Variants in RAI14 observed in about 807,000 individuals in gnomAD.
The protein encoded by RAI14 is ankycorbin.
RAI14 carries 45 observed loss-of-function variants against 115.4 expected under a neutral mutation model. The ratio of observed to expected loss-of-function variants is 0.39; its 90% confidence interval spans 0.31 to 0.50. RAI14 has a LOEUF of 0.50. Among genes scored for constraint, RAI14 ranks in the 20% least tolerant of loss-of-function variants. RAI14 has a pLI of 0.85. For synonymous variants in RAI14, 371 were observed against 415.4 expected (o/e 0.89, Z 1.30); for missense variants, 939 against 1,131.2 (o/e 0.83, Z 2.44).
chr5:34,756,616 T>A (rs1305903692), intron 2 of RAI14, among the ~76,000 whole-genome samples: 1 of 152,204 alleles, frequency 6.6e-6, no homozygotes, highest in African/African-American at 2.4e-5. Flanking sequence ...CACCTCCCAA[T>A]GACTCTTCAG....
chr5:34,759,356 C>T (rs1056262050), intron 3 of RAI14, among the ~76,000 whole-genome samples: 2 of 152,146 alleles, frequency 1.3e-5, no homozygotes, highest in Non-Finnish European at 2.9e-5. Context: ...AGGTCACAGA[C>T]CGGACTGGTA....
At chr5:34,749,151 A>G (rs1459575870) in intron 2 of RAI14, among the ~76,000 whole-genome samples, 4 of 152,196 alleles carry the variant, frequency 2.6e-5, no homozygotes. Context: ...AGACTTGCTG[A>G]TTATATTGGC....
At chr5:34,657,300 G>GTCC (rs4024086) in intron 1 of RAI14, 73,574 of 151,428 alleles carry the variant, frequency 0.49, 18,566 homozygotes, top group South Asian at 0.64. Flanking sequence ...GCAGGTTGGT[G>GTCC]TCGGTTTAGT....
intron 2 of RAI14, among the ~76,000 whole-genome samples, chr5:34,705,936 C>CACGCCCAGCCCACTTTCTGTTTTT (rs906371983): frequency 2.0e-5 from 3 of 152,226 alleles, no homozygotes; most frequent in Non-Finnish European, 4.4e-5. Flanking sequence ...CATGCGCCAC[C>CACGCCCAGCCCACTTTCTGTTTTT]ACGCCCAGCC....
chr5:34,736,988 G>A (rs1377680154), intron 2 of RAI14, among the ~76,000 whole-genome samples: 4 of 152,090 alleles, frequency 2.6e-5, no homozygotes, highest in Non-Finnish European at 4.4e-5. Flanking sequence ...GCCTCCTGTC[G>A]GATGAGTGGC....
At chr5:34,736,127 G>GCGGTGA (rs1288754211) in intron 2 of RAI14, among the ~76,000 whole-genome samples, 5 of 148,320 alleles carry the variant, frequency 3.4e-5, no homozygotes, top group African/African-American at 1.2e-4. Flanking sequence ...TCAGCTGGGC[G>GCGGTGA]CGGTGACTCA....
At position 34,807,804 on chromosome 5, in the gene RAI14, A is replaced by T; in HGVS notation, c.326A>T (p.Lys109Ile). Residue 109 changes from lysine (K) to isoleucine (I), a missense_variant, in exon 6 of 18, where the codon AAA becomes ATA. Coordinates refer to ENST00000265109, the MANE Select transcript of RAI14 (RefSeq NM_015577.3). ...HECIRKLLQS[K>I]CPAESVDSSG... ...GTATTTATTTTTGTCTTATAGTCTA[A>T]ATGCCCAGCCGAAAGTGTCGACAGC... The T allele has an allele frequency of 6.2e-7, 1 of 1,608,576 alleles. No homozygotes were observed. The highest frequency in any genetic ancestry group is 2.2e-5 in the East Asian group (1 of 44,850).
chr5:34,746,007 T>A (rs765673895), intron 2 of RAI14, among the ~76,000 whole-genome samples: 36 of 151,616 alleles, frequency 2.4e-4, no homozygotes, highest in South Asian at 4.2e-4. Context: ...TTCACAAAGA[T>A]CAGCCTTCTG....
At chr5:34,713,205 G>A (rs945186084) in intron 2 of RAI14, among the ~76,000 whole-genome samples, 2 of 152,146 alleles carry the variant, frequency 1.3e-5, no homozygotes, top group African/African-American at 4.8e-5. Flanking sequence ...TAGGGCTGGT[G>A]AGGATGGTGG....
rs752222876 is a variant in RAI14, at chr5:34,824,002, G to A, written c.2160G>A (p.Val720=). The change falls in exon 15 of 18, where the codon GTG becomes GTA. Residue 720 remains valine (V), a synonymous_variant. Transcript: ENST00000265109. ...LNELTQLKQL[V]DAQKENSVSI... is the part of the protein sequence containing the mutation. The stretch of plus-strand genomic sequence containing the variant: ...AGTTGACCCAGCTCAAACAACTGGT[G>A]GATGCACAAAAAGAGAACTCTGTCT... The A allele has an allele frequency of 6.2e-7, 1 of 1,613,908 alleles. No homozygotes were observed. Among genetic ancestry groups the A allele is most frequent in the Non-Finnish European group, 8.5e-7 (1 of 1,179,858 alleles).
At chr5:34,742,556 A>C (rs531426421) in intron 2 of RAI14, among the ~76,000 whole-genome samples, 1 of 152,318 alleles carries the variant, frequency 6.6e-6, no homozygotes, top group South Asian at 2.1e-4. Context: ...TTCTTTAAGA[A>C]ATGTGAAAAA....
chr5:34,817,567 A>G (rs948991771), intron 12 of RAI14, among the ~76,000 whole-genome samples: 1 of 152,156 alleles, frequency 6.6e-6, no homozygotes, highest in African/African-American at 2.4e-5. Context: ...TTCATTCACA[A>G]CCTCCCCAAA....
chr5:34,824,556 T>C (rs753926002), intron 15 of RAI14, 65 bp downstream of exon 15: 11 of 1,298,570 alleles, frequency 8.5e-6, no homozygotes, highest in Non-Finnish European at 1.1e-5. Flanking sequence ...GCTTTTACTA[T>C]ATTAAATATT....
chr5:34,827,957 G>C lies in RAI14; in HGVS notation c.2799+1478G>C, dbSNP rs1757616544. On this transcript the variant is annotated intron_variant, in intron 16 of 17. Transcript: ENST00000265109. This position sits in a 1 kb window ranked among gnomAD's most constrained non-coding sequence, Gnocchi z 4.2. ...GAGTCATGAAAAGGTTCCTACGGGA[G>C]TTACACTTGTGCTGAGTCTTGAAGG... 6.6e-6 allele frequency among the ~76,000 whole-genome samples: 1 copy of C among 152,226 alleles called. No homozygotes were observed. Among genetic ancestry groups the C allele is most frequent in the African/African-American group, 2.4e-5 (1 of 41,458 alleles).
At chr5:34,711,569 C>T (rs1304313783) in intron 2 of RAI14, among the ~76,000 whole-genome samples, 1 of 152,164 alleles carries the variant, frequency 6.6e-6, no homozygotes, top group Non-Finnish European at 1.5e-5. Context: ...ATGGCTTGGC[C>T]TGGGCTCAGA....
At position 34,729,273 on chromosome 5, in the gene RAI14, C is replaced by T. The variant is rs145590737; in HGVS notation, c.37-28195C>T. ...CTGGGGCAGGAGGATTGCTTGAGCC[C>T]GGGAAGTTGAGGCTGCAGTGAGCTG... On this transcript the variant is annotated intron_variant, in intron 2 of 17. Transcript: ENST00000265109. Among the ~76,000 whole-genome samples the T allele has an allele frequency of 3.6e-3, 541 of 151,760 alleles. 3 individuals are homozygous for T. The highest frequency in any genetic ancestry group is 0.012 in the African/African-American group (478 of 41,378).
intron 1 of RAI14, chr5:34,685,163 C>T (rs1744727743): frequency 6.6e-6 from 1 of 151,726 alleles, no homozygotes; most frequent in Non-Finnish European, 1.5e-5. Flanking sequence ...CAGAGGATAG[C>T]TTGAGCCCAG....
chr5:34,734,200 G>A (rs369886020), intron 2 of RAI14, among the ~76,000 whole-genome samples: 32 of 152,308 alleles, frequency 2.1e-4, no homozygotes, highest in African/African-American at 7.5e-4. Flanking sequence ...GTGTGATTCC[G>A]TTGATGACCC....
intron 2 of RAI14, among the ~76,000 whole-genome samples, chr5:34,747,867 G>A (rs1025492333): frequency 1.3e-5 from 2 of 152,220 alleles, no homozygotes; most frequent in Non-Finnish European, 2.9e-5. Context: ...CGAGACAGAT[G>A]CTAGCCATTG....
Sources: allele counts gnomAD v4.1 joint callset (sites outside exome capture counted in the v4.1 genomes callset), GRCh38; gene constraint gnomAD v4.1.1; non-coding constraint Gnocchi (gnomAD v3.1); transcripts MANE v1.5; gene names NCBI Gene and HGNC (gene_info 2026-07-23, HGNC 2026-07-21).